EPB41L4A: variants seen among roughly 807,000 people sequenced by gnomAD.
EPB41L4A encodes the protein erythrocyte membrane protein band 4.1 like 4A.
Under a neutral mutation model 108.6 loss-of-function variants are expected in EPB41L4A, and 100 were observed. The observed-to-expected ratio is 0.92, with a 90% CI of 0.78 to 1.09. The LOEUF is 1.09. Ranked by LOEUF, EPB41L4A falls within the 50% of genes least tolerant of loss-of-function variation. The pLI, the probability that EPB41L4A is intolerant of heterozygous loss-of-function variation, is 0.00. For missense variants in EPB41L4A, 1,030 were observed against 842.7 expected, an observed-to-expected ratio of 1.22 and a Z score of -2.75; for synonymous variants, 319 against 289.0, an observed-to-expected ratio of 1.10 and a Z score of -1.05.
At chr5:112,224,453 C>A (rs890391876) in intron 12 of EPB41L4A, among the ~76,000 whole-genome samples, 2 of 152,128 alleles carry the variant, frequency 1.3e-5, no homozygotes, top group Non-Finnish European at 2.9e-5. Context: ...GTCCTTCCAA[C>A]TCTGTGGGCA....
At chr5:112,295,413 G>A (rs909540245) in intron 2 of EPB41L4A, among the ~76,000 whole-genome samples, 1 of 152,182 alleles carries the variant, frequency 6.6e-6, no homozygotes, top group Non-Finnish European at 1.5e-5. Flanking sequence ...TCAATTCCCA[G>A]ATTCTCACCT....
intron 1 of EPB41L4A, among the ~76,000 whole-genome samples, chr5:112,371,009 T>G (rs535444190): frequency 1.3e-5 from 2 of 152,350 alleles, no homozygotes; most frequent in South Asian, 4.1e-4. Context: ...ACCTCACTCA[T>G]TCGTGCAATA....
chr5:112,331,438 C>T (rs998187524), intron 1 of EPB41L4A, among the ~76,000 whole-genome samples: 1 of 152,254 alleles, frequency 6.6e-6, no homozygotes, highest in Non-Finnish European at 1.5e-5. Flanking sequence ...GTTTATAACA[C>T]ACAGTGGGCA....
intron 1 of EPB41L4A, among the ~76,000 whole-genome samples, chr5:112,346,244 GAGA>G (rs1757668379): frequency 6.4e-5 from 1 of 15,568 alleles, no homozygotes; most frequent in Non-Finnish European, 2.7e-4. Flanking sequence ...TTTTTTTTTT[GAGA>G]AGGAGTCTCG....
intron 1 of EPB41L4A, among the ~76,000 whole-genome samples, chr5:112,309,714 T>C (rs1754923418): frequency 6.6e-6 from 1 of 152,176 alleles, no homozygotes; most frequent in Non-Finnish European, 1.5e-5. Context: ...GATAGGGAGA[T>C]CACTGAAGTG....
chr5:112,157,758 T>C (rs560383072), downstream of EPB41L4A, among the ~76,000 whole-genome samples: 5 of 152,360 alleles, frequency 3.3e-5, no homozygotes, highest in Non-Finnish European at 5.9e-5. Context: ...CCTTCTGCTA[T>C]GTAATGCACC....
intron 1 of EPB41L4A, among the ~76,000 whole-genome samples, chr5:112,364,737 T>C (rs183233668): frequency 6.6e-6 from 1 of 152,376 alleles, no homozygotes; most frequent in African/African-American, 2.4e-5. Context: ...TTAAGTGCTT[T>C]TGTGTACTAA....
At chr5:112,176,673 A>T (rs1760879464) in intron 18 of EPB41L4A, among the ~76,000 whole-genome samples, 1 of 151,490 alleles carries the variant, frequency 6.6e-6, no homozygotes, top group Non-Finnish European at 1.5e-5. Context: ...GGACCACTGC[A>T]AAGTTTTCTA....
At chr5:112,181,545 C>G (rs1489054449) in intron 18 of EPB41L4A, among the ~76,000 whole-genome samples, 1 of 152,108 alleles carries the variant, frequency 6.6e-6, no homozygotes, top group Non-Finnish European at 1.5e-5. Context: ...ATTCCACACA[C>G]ATACTTGTAG....
At chr5:112,279,838 C>A (rs1752850682) in intron 3 of EPB41L4A, among the ~76,000 whole-genome samples, 1 of 152,152 alleles carries the variant, frequency 6.6e-6, no homozygotes, top group African/African-American at 2.4e-5. Context: ...CTCTTACTTA[C>A]TGGCTTAGGA....
intron 1 of EPB41L4A, among the ~76,000 whole-genome samples, 162 bp from the exon 2 acceptor site, chr5:112,307,652 C>T (rs1278871385): frequency 2.0e-5 from 3 of 152,038 alleles, no homozygotes; most frequent in South Asian, 2.1e-4. Flanking sequence ...AAGAAAAAAA[C>T]GTGATTTAAA....
chr5:112,403,260 AG>A lies in EPB41L4A; in HGVS notation c.99+15680del, dbSNP rs565687024. 6.3e-3 allele frequency among the ~76,000 whole-genome samples: 957 copies of A among 151,586 alleles called. 4 individuals are homozygous for A. Among genetic ancestry groups the A allele is most frequent in the Non-Finnish European group, 0.01 (682 of 67,894 alleles). ...GCATGTAATGGATGAAAGGCAGTCT[AG>A]GATCAAGCTCTTCTTGGTTCGTTGA... On this transcript the variant is annotated intron_variant, in intron 1 of 22. Transcript: ENST00000261486.
At chr5:112,200,962 A>G (rs1232139223) in intron 15 of EPB41L4A, among the ~76,000 whole-genome samples, 1 of 152,208 alleles carries the variant, frequency 6.6e-6, no homozygotes, top group Non-Finnish European at 1.5e-5. Context: ...AGCAAAATAT[A>G]ATTTCCTATT....
rs78620124 is a variant in EPB41L4A at position 112,289,890 on chromosome 5, A to G, written c.205-9567T>C. ...ATTTTGAGAGGGCTAGTTACACAAC[A>G]AAGAGTAACTGGAGCACTTCCCAAT... On this transcript the variant is annotated intron_variant, in intron 2 of 22. Coordinates refer to ENST00000261486, the MANE Select transcript of EPB41L4A (RefSeq NM_022140.5). 2.9e-3 allele frequency among the ~76,000 whole-genome samples: 447 copies of G among 152,368 alleles called. 5 individuals carry two copies. The highest frequency in any genetic ancestry group is 1.0e-2 in the African/African-American group (414 of 41,588).
At chr5:112,412,969 T>G (rs867855780) in intron 1 of EPB41L4A, among the ~76,000 whole-genome samples, 28 of 152,188 alleles carry the variant, frequency 1.8e-4, no homozygotes, top group Non-Finnish European at 4.4e-5. Flanking sequence ...TTTAAACAGC[T>G]TCAAGAGTAA....
At chr5:112,219,475 C>G (rs538186647) in intron 12 of EPB41L4A, among the ~76,000 whole-genome samples, 1 of 152,066 alleles carries the variant, frequency 6.6e-6, no homozygotes, top group Non-Finnish European at 1.5e-5. Context: ...TCAGGTATTT[C>G]TTCATAGCAA....
At chr5:112,239,835 C>A (rs1749647389) in intron 10 of EPB41L4A, 98 bp from the exon 11 acceptor site, 2 of 622,292 alleles carry the variant, frequency 3.2e-6, no homozygotes, top group Non-Finnish European at 5.5e-6. Context: ...AGGACTCCAG[C>A]CACTTTATAA....
intron 2 of EPB41L4A, among the ~76,000 whole-genome samples, chr5:112,289,880 G>C (rs535339300): frequency 1.3e-5 from 2 of 152,334 alleles, no homozygotes; most frequent in East Asian, 3.9e-4. Context: ...GAGAGGGCTA[G>C]TTACACAACA....
chr5:112,395,359 T>C (rs1761258703), intron 1 of EPB41L4A, among the ~76,000 whole-genome samples: 1 of 152,188 alleles, frequency 6.6e-6, no homozygotes, highest in Non-Finnish European at 1.5e-5. Flanking sequence ...GACAAAGGAC[T>C]AATATCCAGA....
Sources: allele counts gnomAD v4.1 joint callset (sites outside exome capture counted in the v4.1 genomes callset), GRCh38; gene constraint gnomAD v4.1.1; transcripts MANE v1.5; gene names NCBI Gene and HGNC (gene_info 2026-07-23, HGNC 2026-07-21).